Variants in RABEP1 observed in about 807,000 individuals in gnomAD.
RABEP1 encodes rab GTPase-binding effector protein 1.
A neutral mutation model predicts 123.4 loss-of-function variants in RABEP1; 51 were observed. That is an observed-to-expected ratio of 0.41 (90% CI 0.33 to 0.52). The LOEUF (loss-of-function observed/expected upper bound fraction) is 0.52, where lower values mean the gene tolerates loss of function less well. Ranked by LOEUF, RABEP1 falls within the 20% of genes least tolerant of loss-of-function variation. The probability of loss-of-function intolerance (pLI) is 0.16; values close to 1 mark genes in which losing one functional copy is unlikely to be tolerated. For synonymous variants in RABEP1, 347 were observed against 355.2 expected (o/e 0.98, Z 0.26); for missense variants, 888 against 996.3 (o/e 0.89, Z 1.46).
chr17:5,370,966 T>C (rs369459276), intron 12 of RABEP1, among the ~76,000 whole-genome samples: 323 of 106,690 alleles, frequency 3.0e-3, no homozygotes, highest in African/African-American at 0.015. Context: ...TTTGTTTCTC[T>C]TTTTTTTTTT....
intron 12 of RABEP1, among the ~76,000 whole-genome samples, 165 bp downstream of exon 12, chr17:5,368,633 C>G (rs1473960623): frequency 6.6e-6 from 1 of 152,160 alleles, no homozygotes; most frequent in East Asian, 1.9e-4. Flanking sequence ...ATTGTAAAGA[C>G]ATTATTCCTT....
intron 2 of RABEP1, among the ~76,000 whole-genome samples, chr17:5,313,701 G>T (rs1246139821): frequency 6.6e-6 from 1 of 152,144 alleles, no homozygotes; most frequent in African/African-American, 2.4e-5. Context: ...GTGTACTGTT[G>T]TATCTTTACT....
At chr17:5,308,432 G>C (rs1013528339) in intron 1 of RABEP1, among the ~76,000 whole-genome samples, 3 of 152,082 alleles carry the variant, frequency 2.0e-5, no homozygotes, top group African/African-American at 7.2e-5. Context: ...CTCCATGTCG[G>C]CCAGGCTGGT....
At chr17:5,361,083 G>A (rs1185213649) in intron 8 of RABEP1, 125 bp from the exon 9 acceptor site, 6 of 834,376 alleles carry the variant, frequency 7.2e-6, no homozygotes, top group South Asian at 1.8e-5. Context: ...TGTTCAATGA[G>A]TCTGTGAAGG....
intron 2 of RABEP1, among the ~76,000 whole-genome samples, chr17:5,325,434 G>C (rs72634023): frequency 6.6e-6 from 1 of 152,044 alleles, no homozygotes; most frequent in Non-Finnish European, 1.5e-5. Context: ...AGCACTGAAA[G>C]ACAAGTATCA....
intron 10 of RABEP1, among the ~76,000 whole-genome samples, chr17:5,363,495 G>A (rs1030456990): frequency 6.6e-6 from 1 of 152,090 alleles, no homozygotes; most frequent in Non-Finnish European, 1.5e-5. Context: ...TGGGATTACA[G>A]GTGTGAGCCA....
chr17:5,336,695 T>G lies in RABEP1; in HGVS notation c.529-1324T>G, dbSNP rs1907122309. ...AAATAACTTGATTTGTGATCAGTTC[T>G]TTGCTTCCTCCCTCCTTTTTTTTCC... is the stretch of plus-strand genomic sequence containing the variant. On this transcript the variant is annotated intron_variant, in intron 4 of 17. Transcript: ENST00000537505. 10 of 255,446 alleles carry G rather than the reference T, an allele frequency of 3.9e-5. No individual in the cohort carries two copies. In the South Asian group the frequency reaches 4.3e-4, roughly 11 times the overall value. 15.8% of individuals were successfully genotyped at this position (255,446 alleles called of 1,614,324 possible).
Position 5,383,268 on chromosome 17 carries a change from C to A in RABEP1, c.*45C>A, listed in dbSNP as rs367839964. 2.8e-6 allele frequency: 4 copies of A among 1,423,340 alleles called. No individual in the cohort carries two copies. Among genetic ancestry groups the A allele is most frequent in the Non-Finnish European group, 3.0e-6 (3 of 1,006,992 alleles). The allele number at this position is 1,423,340 out of a possible 1,614,324, so 88.2% of individuals were successfully genotyped here. A position where few individuals can be genotyped will look rare whatever the true frequency, so the allele number is the denominator to read the frequency against. The stretch of plus-strand genomic sequence containing the variant: ...TAGCCTGCACTTTGGGTTTTTAACT[C>A]ATCTTTAGAGCAACAGTAATTATTA... On this transcript the variant is annotated 3_prime_UTR_variant, in exon 18 of 18. Coordinates refer to ENST00000537505, the MANE Select transcript of RABEP1 (RefSeq NM_004703.6).
At chr17:5,316,504 C>G (rs1597348133) in intron 2 of RABEP1, among the ~76,000 whole-genome samples, 3 of 136,842 alleles carry the variant, frequency 2.2e-5, no homozygotes, top group South Asian at 2.4e-4. Context: ...TAGACATTCG[C>G]AAAAAGAAAA....
chr17:5,284,579 A>T (rs2074959473), intron 1 of RABEP1, among the ~76,000 whole-genome samples: 1 of 151,528 alleles, frequency 6.6e-6, no homozygotes, highest in Non-Finnish European at 1.5e-5. Flanking sequence ...CAATCCTGCT[A>T]CCTCAGCCTC....
chr17:5,357,496 C>T lies in RABEP1; in HGVS notation c.1095+3006C>T, dbSNP rs546038229. On this transcript the variant is annotated intron_variant, in intron 8 of 17. Transcript: ENST00000537505. ...AAGCGATTCTCGTGCCTCAGCCTCC[C>T]GAGTAGCTGGGACTACAGGTGCACA... Among the ~76,000 whole-genome samples, 21 of 152,026 alleles carry T rather than the reference C, an allele frequency of 1.4e-4. No individual in the cohort carries two copies. The East Asian group carries it at 3.3e-3, about 24-fold the overall frequency.
At chr17:5,359,881 C>G (rs900966953) in intron 8 of RABEP1, among the ~76,000 whole-genome samples, 1 of 152,084 alleles carries the variant, frequency 6.6e-6, no homozygotes, top group African/African-American at 2.4e-5. Flanking sequence ...TTCTTATTTC[C>G]CACTAACTAT....
At chr17:5,346,046 AT>A (rs1436247183) in intron 5 of RABEP1, among the ~76,000 whole-genome samples, 1 of 152,014 alleles carries the variant, frequency 6.6e-6, no homozygotes, top group Non-Finnish European at 1.5e-5. Context: ...GAAAAAAAGT[AT>A]TTTTTTTAAA....
Position 5,384,115 on chromosome 17 carries a change from AC to A in RABEP1, c.*893del, listed in dbSNP as rs1911740222. 1 of 213,882 alleles carries A rather than the reference AC, an allele frequency of 4.7e-6. No homozygotes were observed. The highest frequency in any genetic ancestry group is 5.9e-5 in the Admixed American group (1 of 17,082). 13.2% of individuals were successfully genotyped at this position (213,882 alleles called of 1,614,324 possible). On this transcript the variant is annotated 3_prime_UTR_variant, in exon 18 of 18. Transcript: ENST00000537505. ...ACTTGGATCATTAGGCTTACGTACT[AC>A]TTGTTTCAAATGTGTCAAATACAAA...
intron 9 of RABEP1, chr17:5,362,063 G>A (rs950032377): frequency 1.2e-5 from 2 of 170,088 alleles, no homozygotes; most frequent in Non-Finnish European, 2.6e-5. Flanking sequence ...GATCAAAAGC[G>A]CAATTGCCGG....
intron 15 of RABEP1, 40 bp from the exon 16 acceptor site, chr17:5,380,304 GGTAGTGCACTGGGGCCCAGA>G (rs1911343708): frequency 3.5e-6 from 4 of 1,154,732 alleles, no homozygotes; most frequent in Admixed American, 2.4e-5. Context: ...GGCTCTTTTA[GGTAGTGCACTGGGGCCCAGA>G]GGGAGTTTCT....
chr17:5,369,187 T>C (rs912972933), intron 12 of RABEP1, among the ~76,000 whole-genome samples: 3 of 152,174 alleles, frequency 2.0e-5, no homozygotes, highest in Non-Finnish European at 4.4e-5. Context: ...GCTGGGGACC[T>C]TCCAGAAGGC....
chr17:5,374,558 TC>T (rs1261127556), intron 13 of RABEP1, among the ~76,000 whole-genome samples: 1 of 152,078 alleles, frequency 6.6e-6, no homozygotes, highest in Non-Finnish European at 1.5e-5. Context: ...TGCCTCAGCC[TC>T]CCGAGTAGCT....
Position 5,368,429 on chromosome 17 carries a change from G to A in RABEP1, c.1845G>A (p.Gln615=). The part of the protein sequence containing the change: ...ASEILLEELQ[Q]GLSQAKRDVQ... ...AGATCTTACTTGAAGAGTTACAGCA[G>A]GGGCTTTCCCAGGCAAAGAGGGATG... Residue 615 remains glutamine, a synonymous_variant, in exon 12 of 18, where the codon CAG becomes CAA. Coordinates refer to ENST00000537505, the MANE Select transcript of RABEP1 (RefSeq NM_004703.6). 5.0e-6 allele frequency: 8 copies of A among 1,613,670 alleles called. No individual in the cohort carries two copies. The highest frequency in any genetic ancestry group is 5.9e-6 in the Non-Finnish European group (7 of 1,179,894).
Sources: allele counts gnomAD v4.1 joint callset (sites outside exome capture counted in the v4.1 genomes callset), GRCh38; gene constraint gnomAD v4.1.1; transcripts MANE v1.5; gene names NCBI Gene and HGNC (gene_info 2026-07-23, HGNC 2026-07-21).